The following MCPH1 variants were observed in gnomAD, a reference collection of about 807,000 sequenced individuals.
The protein encoded by MCPH1 is microcephalin.
In MCPH1, 104 loss-of-function variants were observed where a neutral mutation model predicts 84.5. That is an observed-to-expected ratio of 1.23 (90% CI 1.05 to 1.45). MCPH1 has a LOEUF of 1.45. Ranked by LOEUF, MCPH1 falls within the 40% of genes most tolerant of loss-of-function variation. The probability of loss-of-function intolerance (pLI) is 0.00; values close to 1 mark genes in which losing one functional copy is unlikely to be tolerated. For missense variants in MCPH1, 1,498 were observed against 1,005.7 expected (o/e 1.49, Z -6.62); for synonymous variants, 514 against 366.8 (o/e 1.40, Z -4.58).
intron 3 of MCPH1, among the ~76,000 whole-genome samples, chr8:6,422,911 A>G (rs1800444194): frequency 6.6e-6 from 1 of 151,698 alleles, no homozygotes; most frequent in Non-Finnish European, 1.5e-5. Context: ...GATGGTCTCG[A>G]TCTCCTGACC....
rs183299273 is a variant in MCPH1 at position 6,645,765 on chromosome 8, G to A, written c.*2716G>A. On this transcript the variant is annotated 3_prime_UTR_variant, in exon 14 of 14. Transcript: ENST00000344683. Reference sequence around the variant, plus strand: ...CAATTCAAAATGAAATTAAGACCACGATTCCATTTAAAATTGCATCTAAAA... The same window carrying A: ...CAATTCAAAATGAAATTAAGACCACAATTCCATTTAAAATTGCATCTAAAA... The A allele has an allele frequency of 9.7e-4, 148 of 152,082 alleles. No homozygotes were observed. Among genetic ancestry groups the A allele is most frequent in the African/African-American group, 3.5e-3 (144 of 41,492 alleles). 9.4% of individuals were successfully genotyped at this position (152,082 alleles called of 1,614,324 possible). A position where few individuals can be genotyped will look rare whatever the true frequency, so the allele number is the denominator to read the frequency against.
At chr8:6,447,465 A>C (rs1241264027) in intron 8 of MCPH1, 17 of 972,612 alleles carry the variant, frequency 1.7e-5, no homozygotes, top group African/African-American at 1.8e-5. Context: ...AGTGTAAAAA[A>C]GGCTTCAAAA....
intron 9 of MCPH1, among the ~76,000 whole-genome samples, chr8:6,465,194 G>A (rs780793032): frequency 1.3e-5 from 2 of 152,184 alleles, no homozygotes; most frequent in Non-Finnish European, 2.9e-5. Context: ...TAATCTGTTT[G>A]AGATATTCGG....
rs534595782 is a variant in MCPH1, at chr8:6,502,897, T to C, written c.2214+2968T>C. 3.2e-5 allele frequency: 18 copies of C among 565,562 alleles called. No homozygotes were observed. In the South Asian group the frequency reaches 4.6e-4, roughly 14 times the overall value. 35.0% of individuals were successfully genotyped at this position (565,562 alleles called of 1,614,324 possible). A position where few individuals can be genotyped will look rare whatever the true frequency, so the allele number is the denominator to read the frequency against. Reference sequence around the variant, plus strand: ...CTGTCTAATCACAATTATGGATGTTTAGGGTCTTGCTTTGGTCCGTTAAGT... The same window carrying C: ...CTGTCTAATCACAATTATGGATGTTCAGGGTCTTGCTTTGGTCCGTTAAGT... On this transcript the variant is annotated intron_variant, in intron 12 of 13. Transcript: ENST00000344683.
intron 12 of MCPH1, chr8:6,513,989 A>T (rs1815720572): frequency 2.6e-6 from 2 of 768,522 alleles, no homozygotes; most frequent in African/African-American, 3.6e-5. Flanking sequence ...GTCCTTCCCA[A>T]AGGAAAATGG....
chr8:6,440,894 G>T (rs554233567), intron 6 of MCPH1, among the ~76,000 whole-genome samples: 6 of 152,282 alleles, frequency 3.9e-5, no homozygotes, highest in African/African-American at 1.2e-4. Flanking sequence ...GTCTTGCCTA[G>T]TTCAGAAGTA....
rs373963639 is a variant in MCPH1 at position 6,611,720 on chromosome 8, G to A, written c.2215-9734G>A. On this transcript the variant is annotated intron_variant, in intron 12 of 13. Transcript: ENST00000344683. ...TGCAAGCTCCGCCTCCCGGGTTCTCGCCATTCTCCTGCCTCAGCCTCCCCA... is the reference window on the plus strand; with the variant it reads ...TGCAAGCTCCGCCTCCCGGGTTCTCACCATTCTCCTGCCTCAGCCTCCCCA... Among the ~76,000 whole-genome samples, 121 of 152,246 alleles carry A rather than the reference G, an allele frequency of 7.9e-4. 2 individuals carry two copies. The highest frequency in any genetic ancestry group is 3.4e-3 in the Middle Eastern group (1 of 294).
chr8:6,428,079 G>C (rs1028545908), intron 3 of MCPH1, among the ~76,000 whole-genome samples: 7 of 151,890 alleles, frequency 4.6e-5, no homozygotes, highest in Admixed American at 6.6e-5. Flanking sequence ...ACCACGCCTC[G>C]CCTATACTGT....
At chr8:6,408,788 T>C (rs2166009) in intron 1 of MCPH1, among the ~76,000 whole-genome samples, 151,328 of 152,312 alleles carry the variant, frequency 0.99, 75,179 homozygotes, top group Middle Eastern at 1. Context: ...GTCTCAAACT[T>C]CTGTGCCCAA....
chr8:6,599,009 C>T (rs775709971), intron 12 of MCPH1, among the ~76,000 whole-genome samples: 2 of 152,178 alleles, frequency 1.3e-5, no homozygotes, highest in Non-Finnish European at 2.9e-5. Flanking sequence ...TTTTAAAAAG[C>T]GTGAAACCTA....
chr8:6,437,259 T>A (rs1223422184), intron 5 of MCPH1, among the ~76,000 whole-genome samples: 1 of 151,840 alleles, frequency 6.6e-6, no homozygotes, highest in African/African-American at 2.4e-5. Flanking sequence ...TGAGATGGAG[T>A]CTTTCTCCAT....
intron 10 of MCPH1, 113 bp from the exon 11 acceptor site, chr8:6,480,601 A>C: frequency 8.8e-7 from 1 of 1,137,382 alleles, no homozygotes; most frequent in Non-Finnish European, 1.3e-6. Flanking sequence ...AACCAAAATC[A>C]GTTTCAAATT....
intron 12 of MCPH1, among the ~76,000 whole-genome samples, chr8:6,512,603 G>A (rs781325214): frequency 1.1e-4 from 16 of 152,136 alleles, no homozygotes; most frequent in South Asian, 2.1e-4. Context: ...TGCCCCTCCC[G>A]TTGCACACAC....
chr8:6,435,370 G>C (rs1162982420), intron 4 of MCPH1, among the ~76,000 whole-genome samples: 1 of 152,146 alleles, frequency 6.6e-6, no homozygotes, highest in Non-Finnish European at 1.5e-5. Context: ...CTGGCAAGGA[G>C]ACAGGAGGAA....
intron 3 of MCPH1, among the ~76,000 whole-genome samples, chr8:6,419,859 A>C (rs1287451044): frequency 6.6e-6 from 1 of 151,912 alleles, no homozygotes; most frequent in Non-Finnish European, 1.5e-5. Context: ...GTTTGCTTTT[A>C]TTTTAGGGAG....
intron 12 of MCPH1, among the ~76,000 whole-genome samples, chr8:6,609,179 A>C (rs896523048): frequency 6.6e-6 from 1 of 152,048 alleles, no homozygotes; most frequent in Non-Finnish European, 1.5e-5. Context: ...TTCCCTGTGC[A>C]TTTTATCGTA....
intron 9 of MCPH1, among the ~76,000 whole-genome samples, chr8:6,465,924 GATCCATCCATCCATCCATCCATGCATCC>G (rs1189127796): frequency 1.7e-3 from 249 of 148,350 alleles, no homozygotes; most frequent in Non-Finnish European, 1.6e-3. Flanking sequence ...TTTATCTATC[GATCCATCCATCCATCCATCCATGCATCC>G]ATCCATCCAT....
chr8:6,637,785 A>G (rs1246865447), intron 13 of MCPH1, among the ~76,000 whole-genome samples: 3 of 152,166 alleles, frequency 2.0e-5, no homozygotes, highest in Admixed American at 6.5e-5. Context: ...TAATGGAAGC[A>G]GAGAAAGCAG....
rs1190395633 is a variant in MCPH1, at chr8:6,518,718, G to A, written c.2214+18789G>A. Among the ~76,000 whole-genome samples, 4 of 152,112 alleles carry A rather than the reference G, an allele frequency of 2.6e-5. No individual in the cohort carries two copies. In the East Asian group the frequency reaches 7.7e-4, roughly 29 times the overall value. The stretch of plus-strand genomic sequence containing the variant: ...TTTCCACTTTGGTACAGTATCCACT[G>A]TATTCTCTGTAGTTATTTGTGTTGG... On this transcript the variant is annotated intron_variant, in intron 12 of 13. Coordinates refer to ENST00000344683, the MANE Select transcript of MCPH1 (RefSeq NM_024596.5).
Sources: gnomAD v4.1 joint callset for allele counts (sites outside exome capture counted in the v4.1 genomes callset) on GRCh38, gnomAD v4.1.1 for gene constraint, MANE v1.5 for transcripts, NCBI Gene and HGNC (gene_info 2026-07-23, HGNC 2026-07-21) for gene names.